MRPS5: variants seen among roughly 807,000 people sequenced by gnomAD.
The protein encoded by MRPS5 is small ribosomal subunit protein uS5m.
Under a neutral mutation model 51.9 loss-of-function variants are expected in MRPS5, and 27 were observed. The observed-to-expected ratio is 0.52, with a 90% CI of 0.38 to 0.72. The LOEUF is 0.72. MRPS5 is among the 30% of genes least tolerant of loss of function. MRPS5 has a pLI of 0.00. For synonymous variants in MRPS5, 196 were observed against 193.2 expected, an observed-to-expected ratio of 1.01 and a Z score of -0.12; for missense variants, 570 against 545.7, an observed-to-expected ratio of 1.04 and a Z score of -0.44.
Position 95,118,066 on chromosome 2 carries a change from C to T in MRPS5, c.59-121G>A, listed in dbSNP as rs116413502. 4.2e-4 allele frequency: 290 copies of T among 690,120 alleles called. No homozygotes were observed. The African/African-American group carries it at 4.9e-3, about 12-fold the overall frequency. The allele number at this position is 690,120 out of a possible 1,614,324, so 42.7% of individuals were successfully genotyped here. ...ACCAAGACGAGGGAGTAAGTAATTTCTGGGCTCCAGGACAACTTGTCAAGT... is the reference window on the plus strand; with the variant it reads ...ACCAAGACGAGGGAGTAAGTAATTTTTGGGCTCCAGGACAACTTGTCAAGT... On this transcript the variant is annotated intron_variant, in intron 1 of 11. Transcript: ENST00000272418.
At position 95,087,015 on chromosome 2, in the gene MRPS5, G is replaced by A. The variant is rs1161202698; in HGVS notation, c.*342C>T. 2.0e-5 allele frequency among the ~76,000 whole-genome samples: 3 copies of A among 152,102 alleles called. No individual in the cohort carries two copies. The highest frequency in any genetic ancestry group is 4.4e-5 in the Non-Finnish European group (3 of 68,024). ...AATCACATTCACTTTGGATGAATGA[G>A]TTCATATATATTAGCTATAATTACT... On this transcript the variant is annotated 3_prime_UTR_variant, in exon 12 of 12. Coordinates refer to ENST00000272418, the MANE Select transcript of MRPS5 (RefSeq NM_031902.5).
In MRPS5 at chr2:95,108,255, T is replaced by C. The variant is rs1164647104; in HGVS notation, c.557A>G (p.Lys186Arg). The change falls in exon 5 of 12, where the codon AAG becomes AGG. Residue 186 changes from lysine to arginine, a missense_variant. Transcript: ENST00000272418. ...REEWDRKKKM[K>R]VKRERGWSGN... is the part of the protein sequence containing the mutation. ...ACTCCATCCTCGCTCCCGTTTAACC[T>C]TCATCTTCTTCTTTCGGTCCCACTC... 1.2e-6 allele frequency: 2 copies of C among 1,614,018 alleles called. No homozygotes were observed. Among genetic ancestry groups the C allele is most frequent in the South Asian group, 2.2e-5 (2 of 91,074 alleles).
rs758438375 is a variant in MRPS5 at position 95,108,197 on chromosome 2, G to T, written c.615C>A (p.Pro205=). The T allele has an allele frequency of 3.1e-6, 5 of 1,614,136 alleles. No homozygotes were observed. The South Asian group carries it at 4.4e-5, about 14-fold the overall frequency. The change falls in exon 5 of 12, where the codon CCC becomes CCA. Residue 205 remains proline, a synonymous_variant. Transcript: ENST00000272418. ...GNSWGGISLG[P]PDPGPCGETY... is the part of the protein sequence containing the mutation. ...TACCTCCACAGGGACCAGGGTCAGG[G>T]GGGCCAAGACTGATGCCTCCCCATG...
chr2:95,090,305 G>T, intron 11 of MRPS5, 81 bp downstream of exon 11: 1 of 1,469,044 alleles, frequency 6.8e-7, no homozygotes, highest in East Asian at 2.3e-5. Context: ...ATCTCCAGGA[G>T]GCCCCAGGGC....
At chr2:95,120,218 G>A (rs1157664964) in intron 1 of MRPS5, among the ~76,000 whole-genome samples, 3 of 152,192 alleles carry the variant, frequency 2.0e-5, no homozygotes, top group Non-Finnish European at 4.4e-5. Context: ...ATGTTCAACT[G>A]ATGAGCAGAA....
Position 95,101,959 on chromosome 2 carries a change from G to C in MRPS5, c.764-236C>G, listed in dbSNP as rs560521474. The C allele has an allele frequency of 3.7e-5, 17 of 465,528 alleles. No homozygotes were observed. In the South Asian group the frequency reaches 4.5e-4, roughly 12 times the overall value. The allele number at this position is 465,528 out of a possible 1,614,324, so 28.8% of individuals were successfully genotyped here. ...GCTTGAGCCCAGGAGTTTGAGACCA[G>C]CCTGAACAACACAGCAAGACTCTGT... On this transcript the variant is annotated intron_variant, in intron 7 of 11. Transcript: ENST00000272418.
intron 10 of MRPS5, among the ~76,000 whole-genome samples, chr2:95,100,041 T>A (rs1029840671): frequency 3.3e-5 from 5 of 152,086 alleles, no homozygotes; most frequent in African/African-American, 1.2e-4. Context: ...GGAAAGACCA[T>A]CTCTGCATCA....
chr2:95,119,112 G>A (rs1196736040), intron 1 of MRPS5, among the ~76,000 whole-genome samples: 1 of 152,118 alleles, frequency 6.6e-6, no homozygotes, highest in Non-Finnish European at 1.5e-5. Flanking sequence ...TAAGGGTCTT[G>A]TACCTAAAAA....
At position 95,090,520 on chromosome 2, in the gene MRPS5, A is replaced by G. The variant is rs2104392822; in HGVS notation, c.934T>C (p.Tyr312His). 1 of 1,614,062 alleles carries G rather than the reference A, an allele frequency of 6.2e-7. No individual in the cohort carries two copies. The highest frequency in any genetic ancestry group is 8.5e-7 in the Non-Finnish European group (1 of 1,179,954). ...ATGGCCCTGTGGCAGCGGAGGCCGT[A>G]ACCTAGAAAAGGAGAAACCGGGTGA... is the stretch of plus-strand genomic sequence containing the variant. ...HIKMKKQPKG[Y>H]GLRCHRAIIT... The change falls in exon 11 of 12, where the codon TAC (tyrosine) becomes CAC (histidine). Residue 312 changes from tyrosine to histidine, a missense_variant and splice_region_variant. Physicochemically the swap from Tyr to His is moderately conservative, Grantham distance 83. Transcript: ENST00000272418.
At chr2:95,121,510 G>C (rs1298427396) in intron 1 of MRPS5, among the ~76,000 whole-genome samples, 2 of 152,230 alleles carry the variant, frequency 1.3e-5, no homozygotes, top group African/African-American at 4.8e-5. Flanking sequence ...CCTGAAGAAC[G>C]ACGTCCAGTT....
intron 7 of MRPS5, 96 bp downstream of exon 7, chr2:95,104,544 G>T: frequency 7.5e-7 from 1 of 1,326,542 alleles, no homozygotes; most frequent in Non-Finnish European, 1.1e-6. Context: ...GAAAAAGTCC[G>T]GCCAGCAGCA....
In MRPS5 at chr2:95,107,550, C is replaced by T. The variant is rs191728993; in HGVS notation, c.637+625G>A. Among the ~76,000 whole-genome samples the T allele has an allele frequency of 8.5e-5, 13 of 152,284 alleles. No individual in the cohort carries two copies. The South Asian group carries it at 2.7e-3, about 32-fold the overall frequency. On this transcript the variant is annotated intron_variant, in intron 5 of 11. Coordinates refer to ENST00000272418, the MANE Select transcript of MRPS5 (RefSeq NM_031902.5). ...CATTTTGATCAGTTCTAAGCATGTT[C>T]TTTGGAATCTCTCCCCTCCAGTTTC...
At position 95,087,236 on chromosome 2, in the gene MRPS5, G is replaced by A. The variant is rs562187970; in HGVS notation, c.*121C>T. On this transcript the variant is annotated 3_prime_UTR_variant, in exon 12 of 12. Transcript: ENST00000272418. The stretch of plus-strand genomic sequence containing the variant: ...AGCTATAATTATTTATTTCCAAAGA[G>A]TTTAAAGATTAAACTTCCCTCAAAA... 4.5e-6 allele frequency: 3 copies of A among 673,566 alleles called. No individual in the cohort carries two copies. Among genetic ancestry groups the A allele is most frequent in the African/African-American group, 3.6e-5 (2 of 55,252 alleles). The allele number at this position is 673,566 out of a possible 1,614,324, so 41.7% of individuals were successfully genotyped here.
Position 95,095,498 on chromosome 2 carries a change from T to A in MRPS5, c.931+4976A>T, listed in dbSNP as rs556547759. 3.3e-5 allele frequency among the ~76,000 whole-genome samples: 5 copies of A among 152,238 alleles called. No homozygotes were observed. The East Asian group carries it at 9.7e-4, about 29-fold the overall frequency. ...AATGTAAGAGAACAGAAATCACAAC[T>A]AACTGTCTGTCAGACCACAGTGCAA... On this transcript the variant is annotated intron_variant, in intron 10 of 11. Coordinates refer to ENST00000272418, the MANE Select transcript of MRPS5 (RefSeq NM_031902.5).
chr2:95,097,864 A>T (rs1675674189), intron 10 of MRPS5, among the ~76,000 whole-genome samples: 1 of 152,222 alleles, frequency 6.6e-6, no homozygotes, highest in African/African-American at 2.4e-5. Context: ...TAATTAAACT[A>T]AAGAGCTTCT....
In MRPS5 at chr2:95,086,164, C is replaced by T. The variant is rs961786496; in HGVS notation, c.*1193G>A. 2.0e-5 allele frequency among the ~76,000 whole-genome samples: 3 copies of T among 152,132 alleles called. No homozygotes were observed. The highest frequency in any genetic ancestry group is 4.4e-5 in the Non-Finnish European group (3 of 68,034). ...CAAACTCCTGGGCTGAAGCAATCCT[C>T]CTGCCTCACCTTCACAAAGTGCTGG... On this transcript the variant is annotated 3_prime_UTR_variant, in exon 12 of 12. Transcript: ENST00000272418.
At chr2:95,088,402 G>C (rs1239005546) in intron 11 of MRPS5, among the ~76,000 whole-genome samples, 1 of 152,184 alleles carries the variant, frequency 6.6e-6, no homozygotes, top group Non-Finnish European at 1.5e-5. Context: ...TCACTGCAGA[G>C]GGAAGCCACA....
chr2:95,103,895 T>C (rs1478634483), intron 7 of MRPS5: 1 of 152,210 alleles, frequency 6.6e-6, no homozygotes, highest in African/African-American at 2.4e-5. Flanking sequence ...ACATAAAATT[T>C]AGGAAAATTA....
At chr2:95,090,764 G>T in intron 10 of MRPS5, 1 of 454,782 alleles carries the variant, frequency 2.2e-6, no homozygotes, top group South Asian at 3.2e-5. Flanking sequence ...CACATTTTGA[G>T]GGCAAAAAAA....
Sources: allele counts gnomAD v4.1 joint callset (sites outside exome capture counted in the v4.1 genomes callset), GRCh38; gene constraint gnomAD v4.1.1; transcripts MANE v1.5; gene names NCBI Gene and HGNC (gene_info 2026-07-23, HGNC 2026-07-21).